SIDT1: variants seen among roughly 807,000 people sequenced by gnomAD.
The protein encoded by SIDT1 is SID1 transmembrane family member 1.
A neutral mutation model predicts 107.5 loss-of-function variants in SIDT1; 101 were observed. The observed-to-expected ratio is 0.94, with a 90% CI of 0.80 to 1.11. SIDT1 has a LOEUF of 1.11. Ranked by LOEUF, SIDT1 falls within the 50% of genes least tolerant of loss-of-function variation. The pLI is 0.00. For missense variants in SIDT1, 1,076 were observed against 1,058.2 expected, an observed-to-expected ratio of 1.02 and a Z score of -0.23; for synonymous variants, 395 against 398.2, an observed-to-expected ratio of 0.99 and a Z score of 0.10.
chr3:113,623,480 G>A lies in SIDT1; in HGVS notation c.2144G>A (p.Gly715Asp), dbSNP rs1164728538. The A allele has an allele frequency of 1.2e-6, 2 of 1,614,098 alleles. No homozygotes were observed. Among genetic ancestry groups the A allele is most frequent in the African/African-American group, 2.7e-5 (2 of 75,010 alleles). Residue 715 changes from glycine (G) to aspartate (D), a missense_variant, in exon 22 of 25, where the codon GGC becomes GAC. By Grantham distance (94) the Gly-to-Asp change is moderately conservative (BLOSUM62 -1). Transcript: ENST00000264852. ...AGGGACTTTGCTTCCTACATGCTGG[G>A]CATCTTCATCTGTAACCTTTTGCTG... ...RPRDFASYML[G>D]IFICNLLLYL...
intron 23 of SIDT1, among the ~76,000 whole-genome samples, chr3:113,624,233 C>T (rs1193477875): frequency 6.6e-6 from 1 of 152,216 alleles, no homozygotes; most frequent in Admixed American, 6.5e-5. Flanking sequence ...GGAAAGAAAC[C>T]TCATATGCAT....
intron 10 of SIDT1, among the ~76,000 whole-genome samples, chr3:113,597,601 G>A (rs1384116914): frequency 1.3e-5 from 2 of 151,652 alleles, no homozygotes; most frequent in Admixed American, 1.3e-4. Flanking sequence ...AATGGGACAA[G>A]GCAACTATAA....
chr3:113,635,012 C>T, the SIDT1 span, among the ~76,000 whole-genome samples: 6 of 152,148 alleles, frequency 3.9e-5, no homozygotes, highest in Admixed American at 3.3e-4. Flanking sequence ...AGCTTGTAAA[C>T]GTAAGAACCA....
chr3:113,604,822 G>A, intron 13 of SIDT1, 88 bp from the exon 14 acceptor site: 1 of 1,455,558 alleles, frequency 6.9e-7, no homozygotes, highest in Non-Finnish European at 9.6e-7. Flanking sequence ...ATGGACTTAT[G>A]GGGTGGAAGC....
intron 20 of SIDT1, 73 bp downstream of exon 20, chr3:113,616,249 G>A: frequency 8.2e-7 from 1 of 1,216,760 alleles, no homozygotes; most frequent in Non-Finnish European, 1.2e-6. Flanking sequence ...CAGGCTTGGG[G>A]CAGTCACTCA....
At chr3:113,578,261 C>G (rs1049222602) in intron 4 of SIDT1, among the ~76,000 whole-genome samples, 5 of 151,662 alleles carry the variant, frequency 3.3e-5, no homozygotes, top group African/African-American at 1.2e-4. Flanking sequence ...GTCAGGAGAT[C>G]GAGACCATCC....
At chr3:113,581,807 A>G (rs868336442) in intron 6 of SIDT1, 3 of 215,622 alleles carry the variant, frequency 1.4e-5, no homozygotes, top group South Asian at 7.3e-5. Flanking sequence ...CAAGAGGCAG[A>G]GGTTGAAGTG....
chr3:113,600,821 C>T (rs1944907664), intron 10 of SIDT1, among the ~76,000 whole-genome samples: 1 of 152,166 alleles, frequency 6.6e-6, no homozygotes, highest in South Asian at 2.1e-4. Flanking sequence ...TATGGGTCAG[C>T]CCAAGAAAGG....
At chr3:113,573,604 A>G (rs1055670909) in intron 3 of SIDT1, among the ~76,000 whole-genome samples, 4 of 152,156 alleles carry the variant, frequency 2.6e-5, no homozygotes, top group South Asian at 4.1e-4. Flanking sequence ...CTCCACAGTG[A>G]TGGTACTTGG....
the SIDT1 span, among the ~76,000 whole-genome samples, chr3:113,635,682 T>C: frequency 1.3e-5 from 2 of 151,912 alleles, no homozygotes; most frequent in African/African-American, 4.8e-5. Context: ...CTGGATAATA[T>C]GGTGAAACCC....
chr3:113,536,501 T>A (rs1418049250), intron 1 of SIDT1, among the ~76,000 whole-genome samples: 2 of 152,254 alleles, frequency 1.3e-5, no homozygotes, highest in Non-Finnish European at 2.9e-5. Context: ...CAAGCCATTG[T>A]TGCTTGACAT....
At chr3:113,579,246 C>A (rs1943146454) in intron 4 of SIDT1, among the ~76,000 whole-genome samples, 1 of 152,154 alleles carries the variant, frequency 6.6e-6, no homozygotes, top group Non-Finnish European at 1.5e-5. Flanking sequence ...GGGTCAAAAA[C>A]ATTTATTTGG....
chr3:113,588,896 CGCTAATCTGG>C (rs2107573001), intron 9 of SIDT1: 1 of 151,956 alleles, frequency 6.6e-6, no homozygotes, highest in African/African-American at 2.4e-5. Context: ...TGGATGGTTC[CGCTAATCTGG>C]GCTGGGCTGA....
At chr3:113,620,150 C>T (rs1450054114) in intron 21 of SIDT1, among the ~76,000 whole-genome samples, 1 of 151,712 alleles carries the variant, frequency 6.6e-6, no homozygotes, top group Non-Finnish European at 1.5e-5. Context: ...ATAAAGACTA[C>T]CCAGTAGGCC....
At chr3:113,541,447 G>A (rs1181412926) in intron 1 of SIDT1, among the ~76,000 whole-genome samples, 1 of 152,174 alleles carries the variant, frequency 6.6e-6, no homozygotes, top group Non-Finnish European at 1.5e-5. Context: ...TGAGATTACA[G>A]GCGTCAGCCT....
intron 9 of SIDT1, among the ~76,000 whole-genome samples, chr3:113,589,335 A>C (rs186896692): frequency 6.6e-6 from 1 of 152,246 alleles, no homozygotes; most frequent in African/African-American, 2.4e-5. Context: ...CTAATGAAAA[A>C]TTTTGTCAGT....
Position 113,627,701 on chromosome 3 carries a change from T to G in SIDT1, c.2477T>G (p.Val826Gly). 2.5e-6 allele frequency: 4 copies of G among 1,613,622 alleles called. No homozygotes were observed. The highest frequency in any genetic ancestry group is 3.4e-6 in the Non-Finnish European group (4 of 1,179,992). Residue 826 changes from valine to glycine, a missense_variant, in exon 25 of 25, where the codon GTC becomes GGC. Val to Gly is a moderately radical substitution (Grantham distance 109). Coordinates refer to ENST00000264852, the MANE Select transcript of SIDT1 (RefSeq NM_017699.3). ...LDVVRRDQIP[V>G]F ...GTGGTTCGGAGAGACCAGATCCCTG[T>G]CTTCTGAACCTCCAACATTAAGAGA...
chr3:113,627,884 A>G lies in SIDT1; in HGVS notation c.*176A>G. The G allele has an allele frequency of 1.6e-6, 1 of 616,904 alleles. No individual in the cohort carries two copies. Among genetic ancestry groups the G allele is most frequent in the Non-Finnish European group, 2.9e-6 (1 of 347,946 alleles). 38.2% of individuals were successfully genotyped at this position (616,904 alleles called of 1,614,324 possible). On this transcript the variant is annotated 3_prime_UTR_variant, in exon 25 of 25. Coordinates refer to ENST00000264852, the MANE Select transcript of SIDT1 (RefSeq NM_017699.3). ...GGGAGATTTAAACCTGCAAGAAAGG[A>G]GGCAGAAGGGGAGCCATGTTTTGAG...
chr3:113,545,264 T>G (rs1002265463), intron 1 of SIDT1, among the ~76,000 whole-genome samples: 3 of 152,190 alleles, frequency 2.0e-5, no homozygotes, highest in Non-Finnish European at 2.9e-5. Flanking sequence ...TATGATGGTT[T>G]CCAACTAGTG....
Sources: allele counts gnomAD v4.1 joint callset (sites outside exome capture counted in the v4.1 genomes callset), GRCh38; gene constraint gnomAD v4.1.1; transcripts MANE v1.5; gene names NCBI Gene and HGNC (gene_info 2026-07-23, HGNC 2026-07-21).